The following SHROOM3 variants were observed in gnomAD, a reference collection of about 807,000 sequenced individuals.
The protein encoded by SHROOM3 is shroom family member 3, also known as protein Shroom3.
Under a neutral mutation model 138.6 loss-of-function variants are expected in SHROOM3, and 47 were observed. The observed-to-expected ratio is 0.34, with a 90% CI of 0.27 to 0.43. The LOEUF (loss-of-function observed/expected upper bound fraction) is 0.43, where lower values mean the gene tolerates loss of function less well. Ranked by LOEUF, SHROOM3 falls within the 20% of genes least tolerant of loss-of-function variation. SHROOM3 has a pLI of 1.00. For missense variants in SHROOM3, 2,491 were observed against 2,596.5 expected, an observed-to-expected ratio of 0.96 and a Z score of 0.88; for synonymous variants, 1,062 against 1,063.3, an observed-to-expected ratio of 1.00 and a Z score of 0.02.
intron 1 of SHROOM3, among the ~76,000 whole-genome samples, chr4:76,448,208 G>C (rs1051137969): frequency 4.6e-5 from 7 of 152,254 alleles, no homozygotes; most frequent in Non-Finnish European, 1.0e-4. Context: ...ATGGAGCCAA[G>C]ATTTAAAGCT....
chr4:76,534,501 A>G (rs1405020961), intron 1 of SHROOM3, among the ~76,000 whole-genome samples: 1 of 148,924 alleles, frequency 6.7e-6, no homozygotes, highest in Non-Finnish European at 1.5e-5. Flanking sequence ...TGCTCGATAT[A>G]TATTTATTGT....
chr4:76,777,701 T>C (rs1722612701), intron 10 of SHROOM3, among the ~76,000 whole-genome samples: 1 of 152,220 alleles, frequency 6.6e-6, no homozygotes, highest in East Asian at 1.9e-4. Context: ...CTTTCAACTT[T>C]TCCTTGTTCA....
chr4:76,625,988 T>A (rs1169417276), intron 2 of SHROOM3, among the ~76,000 whole-genome samples: 1 of 152,306 alleles, frequency 6.6e-6, no homozygotes, highest in East Asian at 1.9e-4. Flanking sequence ...GCTTTAAACA[T>A]AGAGAACTCT....
In SHROOM3 at chr4:76,779,068, T is replaced by C; in HGVS notation, c.5882T>C (p.Ile1961Thr). 6.2e-7 allele frequency: 1 copy of C among 1,614,224 alleles called. No individual in the cohort carries two copies. Among genetic ancestry groups the C allele is most frequent in the Non-Finnish European group, 8.5e-7 (1 of 1,180,038 alleles). ...CTGGAGAGCCTGCCCTCAGATTTCA[T>C]TCCCAAGGCTGGGGCCCTGGCTCTG... ...CLLESLPSDFIPKAGALALPP... is the reference protein window; with the variant it reads ...CLLESLPSDFTPKAGALALPP... Residue 1961 changes from isoleucine (I) to threonine (T), a missense_variant, in exon 11 of 11, where the codon ATT becomes ACT. Ile to Thr is a moderately conservative substitution (Grantham distance 89). This residue lies in a region of SHROOM3 where 470 missense variants were observed against 595.0 expected (regional missense o/e 0.79). Transcript: ENST00000296043.
chr4:76,446,836 T>C (rs1730817299), intron 1 of SHROOM3, among the ~76,000 whole-genome samples: 1 of 152,168 alleles, frequency 6.6e-6, no homozygotes, highest in Non-Finnish European at 1.5e-5. Context: ...CTCATTTTGG[T>C]TGTCCCTTTC....
In SHROOM3 at chr4:76,435,755, TGAAGGAAGTTTTGACGAACGGAGTAGA is replaced by T; in HGVS notation, c.-295_-269del. Reference sequence around the variant, plus strand: ...AGAAAAGCAATCTTCAGAGCGCCACTGAAGGAAGTTTTGACGAACGGAGTAGAGATGTATACCACTTGGGGGCTTCAG... The same window carrying T: ...AGAAAAGCAATCTTCAGAGCGCCACTGATGTATACCACTTGGGGGCTTCAG... On this transcript the variant is annotated 5_prime_UTR_variant, in exon 1 of 11. It adds an upstream start codon to the 5' untranslated region. Coordinates refer to ENST00000296043, the MANE Select transcript of SHROOM3 (RefSeq NM_020859.4). 3.4e-6 allele frequency: 1 copy of T among 291,066 alleles called. No individual in the cohort carries two copies. The highest frequency in any genetic ancestry group is 6.5e-5 in the East Asian group (1 of 15,402). 18.0% of individuals were successfully genotyped at this position (291,066 alleles called of 1,614,324 possible). A position where few individuals can be genotyped will look rare whatever the true frequency, so the allele number is the denominator to read the frequency against.
intron 2 of SHROOM3, among the ~76,000 whole-genome samples, chr4:76,697,216 T>G (rs1212782366): frequency 6.6e-6 from 1 of 151,596 alleles, no homozygotes; most frequent in African/African-American, 2.4e-5. Flanking sequence ...TGTCAGCCAC[T>G]GTACTCTGCC....
chr4:76,600,168 CAAAA>C (rs1226558763), intron 2 of SHROOM3, among the ~76,000 whole-genome samples: 2 of 145,940 alleles, frequency 1.4e-5, no homozygotes, highest in Non-Finnish European at 3.0e-5. Context: ...AACAAACAAA[CAAAA>C]ACCCAAAAAA....
chr4:76,774,024 A>T (rs1318432846), intron 10 of SHROOM3, among the ~76,000 whole-genome samples: 3 of 152,206 alleles, frequency 2.0e-5, no homozygotes, highest in Non-Finnish European at 2.9e-5. Flanking sequence ...TTAATAGTCT[A>T]AACAAGGAGG....
chr4:76,613,856 A>C (rs1405874877), intron 2 of SHROOM3, among the ~76,000 whole-genome samples: 2 of 152,176 alleles, frequency 1.3e-5, no homozygotes, highest in African/African-American at 4.8e-5. Context: ...GCAAGCCACT[A>C]TATCATATAA....
chr4:76,633,406 C>T (rs1273265954), intron 2 of SHROOM3, among the ~76,000 whole-genome samples: 3 of 150,178 alleles, frequency 2.0e-5, no homozygotes, highest in Non-Finnish European at 4.4e-5. Context: ...TGGTGGCTCA[C>T]GCCTGTAATC....
chr4:76,630,287 C>A (rs1735278192), intron 2 of SHROOM3, among the ~76,000 whole-genome samples: 1 of 152,150 alleles, frequency 6.6e-6, no homozygotes, highest in South Asian at 2.1e-4. Context: ...GAGTGCCTAC[C>A]TTTCAGCTCT....
intron 2 of SHROOM3, among the ~76,000 whole-genome samples, chr4:76,574,924 T>C (rs758923097): frequency 1.3e-5 from 2 of 152,182 alleles, no homozygotes; most frequent in African/African-American, 2.4e-5. Context: ...ATATACTTAA[T>C]GCCACTGAAG....
At chr4:76,544,863 C>T (rs962318549) in intron 1 of SHROOM3, among the ~76,000 whole-genome samples, 8 of 152,160 alleles carry the variant, frequency 5.3e-5, no homozygotes, top group South Asian at 2.1e-4. Flanking sequence ...TCTGTTAGAG[C>T]GGGGCCTTCT....
At chr4:76,661,838 A>G (rs1736194919) in intron 2 of SHROOM3, among the ~76,000 whole-genome samples, 2 of 152,168 alleles carry the variant, frequency 1.3e-5, no homozygotes, top group Admixed American at 1.3e-4. Flanking sequence ...GCTGCTACAG[A>G]TATTACTGTA....
chr4:76,758,080 T>A (rs1721880301), intron 8 of SHROOM3: 1 of 152,266 alleles, frequency 6.6e-6, no homozygotes. Flanking sequence ...GAGGCTCTTC[T>A]GATTCAAGGC....
intron 2 of SHROOM3, among the ~76,000 whole-genome samples, chr4:76,581,671 G>A (rs1393468296): frequency 6.6e-6 from 1 of 152,144 alleles, no homozygotes; most frequent in African/African-American, 2.4e-5. Context: ...GACTCTTTCA[G>A]ACATACTTGG....
intron 9 of SHROOM3, among the ~76,000 whole-genome samples, chr4:76,761,871 G>A (rs1269634389): frequency 6.6e-6 from 1 of 152,134 alleles, no homozygotes; most frequent in Non-Finnish European, 1.5e-5. Context: ...CACATAACCA[G>A]GGCCTGGCAC....
rs1730559199 is a variant in SHROOM3, at chr4:76,436,135, T to G, written c.83T>G (p.Leu28Arg). ...NTATKGRYIY[L>R]EAFLEGGAPW... ...GCCACCAAGGGAAGGTACATTTATCTGGAGGCATTCCTGGAGGGAGGAGCT... is the reference window on the plus strand; with the variant it reads ...GCCACCAAGGGAAGGTACATTTATCGGGAGGCATTCCTGGAGGGAGGAGCT... Residue 28 changes from leucine to arginine, a missense_variant, in exon 1 of 11, where the codon CTG (leucine) becomes CGG (arginine). By Grantham distance (102) the Leu-to-Arg change is moderately radical (BLOSUM62 -2). Coordinates refer to ENST00000296043, the MANE Select transcript of SHROOM3 (RefSeq NM_020859.4). 6.2e-7 allele frequency: 1 copy of G among 1,613,930 alleles called. No homozygotes were observed. The highest frequency in any genetic ancestry group is 1.3e-5 in the African/African-American group (1 of 74,916).
Sources: allele counts gnomAD v4.1 joint callset (sites outside exome capture counted in the v4.1 genomes callset), GRCh38; gene constraint gnomAD v4.1.1; regional missense constraint gnomAD v4.1.1; transcripts MANE v1.5; gene names NCBI Gene and HGNC (gene_info 2026-07-23, HGNC 2026-07-21).